Variants in SGCD observed in about 807,000 individuals in gnomAD.
The protein encoded by SGCD is delta-sarcoglycan.
A neutral mutation model predicts 36.6 loss-of-function variants in SGCD; 18 were observed. That is an observed-to-expected ratio of 0.49 (90% CI 0.34 to 0.73). The LOEUF (loss-of-function observed/expected upper bound fraction) is 0.73. SGCD is among the 30% of genes least tolerant of loss of function. The probability of loss-of-function intolerance (pLI) is 0.01; values close to 1 mark genes in which losing one functional copy is unlikely to be tolerated. For synonymous variants in SGCD, 133 were observed against 130.6 expected, an observed-to-expected ratio of 1.02 and a Z score of -0.12; for missense variants, 387 against 346.7, an observed-to-expected ratio of 1.12 and a Z score of -0.92.
chr5:156,158,550 G>A (rs763149254), intron 3 of SGCD, among the ~76,000 whole-genome samples: 12 of 151,244 alleles, frequency 7.9e-5, no homozygotes, highest in East Asian at 1.9e-4. Flanking sequence ...CCCCACTCAC[G>A]GCCTTCTCTC....
chr5:156,352,178 G>A (rs1431552059), intron 3 of SGCD, among the ~76,000 whole-genome samples: 2 of 152,196 alleles, frequency 1.3e-5, no homozygotes, highest in Middle Eastern at 3.2e-3. Context: ...CAATCATTTA[G>A]CACAAGTGGT....
At chr5:156,751,829 A>G (rs764012945) in intron 7 of SGCD, among the ~76,000 whole-genome samples, 1 of 152,238 alleles carries the variant, frequency 6.6e-6, no homozygotes, top group African/African-American at 2.4e-5. Flanking sequence ...CACTAGTGGG[A>G]AAGTCAGTTG....
chr5:156,505,373 G>A (rs1030585485), intron 3 of SGCD, among the ~76,000 whole-genome samples: 3 of 152,210 alleles, frequency 2.0e-5, no homozygotes, highest in African/African-American at 4.8e-5. Flanking sequence ...ACAGGCTGAA[G>A]TGCATTTATG....
intron 3 of SGCD, among the ~76,000 whole-genome samples, chr5:156,255,707 C>T (rs565406736): frequency 6.6e-6 from 1 of 152,160 alleles, no homozygotes; most frequent in Admixed American, 6.5e-5. Context: ...GTTGTTGTAT[C>T]TTGTTTTCAT....
intron 1 of SGCD, among the ~76,000 whole-genome samples, chr5:155,906,915 C>A (rs1345443515): frequency 7.6e-6 from 1 of 130,804 alleles, no homozygotes; most frequent in Non-Finnish European, 1.7e-5. Flanking sequence ...TATGAAACAG[C>A]CATCTTTTGG....
At chr5:156,081,890 A>G (rs368730180) in intron 1 of SGCD, among the ~76,000 whole-genome samples, 2 of 152,310 alleles carry the variant, frequency 1.3e-5, no homozygotes, top group African/African-American at 2.4e-5. Context: ...CAAATGGGGT[A>G]CAGATGATTA....
intron 1 of SGCD, among the ~76,000 whole-genome samples, chr5:156,073,423 A>T (rs1760653061): frequency 6.6e-6 from 1 of 152,062 alleles, no homozygotes; most frequent in Non-Finnish European, 1.5e-5. Flanking sequence ...GTTAGCTAGG[A>T]ATGATGGTTT....
intron 4 of SGCD, among the ~76,000 whole-genome samples, chr5:156,514,814 C>T (rs995948584): frequency 2.6e-5 from 4 of 152,096 alleles, no homozygotes; most frequent in African/African-American, 9.7e-5. Flanking sequence ...TGTTTTCTTA[C>T]CTGCACAACT....
chr5:156,508,579 T>C (rs1292527040), intron 3 of SGCD, 22 bp from the exon 4 acceptor site: 1 of 1,489,192 alleles, frequency 6.7e-7, no homozygotes. Flanking sequence ...ATCTTCCTTG[T>C]TATCTCTGTG....
the SGCD span, among the ~76,000 whole-genome samples, chr5:155,761,928 C>T: frequency 6.6e-6 from 1 of 152,190 alleles, no homozygotes. Context: ...TGAGCCCTGA[C>T]TATATGCCAA....
chr5:156,154,208 C>T (rs1408597879), intron 3 of SGCD, among the ~76,000 whole-genome samples: 1 of 151,618 alleles, frequency 6.6e-6, no homozygotes, highest in African/African-American at 2.4e-5. Context: ...TGTTCTCTGT[C>T]TTCCACCTCC....
intron 3 of SGCD, among the ~76,000 whole-genome samples, chr5:156,198,438 C>T (rs1398781303): frequency 6.6e-6 from 1 of 151,938 alleles, no homozygotes; most frequent in Non-Finnish European, 1.5e-5. Context: ...CTTAATTATC[C>T]CAATAGTCTT....
At chr5:156,233,415 T>C (rs114767550) in intron 3 of SGCD, among the ~76,000 whole-genome samples, 17 of 152,366 alleles carry the variant, frequency 1.1e-4, no homozygotes, top group Non-Finnish European at 2.4e-4. Context: ...TTACTTTGAC[T>C]AAATCTGTTT....
At chr5:156,697,747 G>A (rs571383339) in intron 7 of SGCD, among the ~76,000 whole-genome samples, 10 of 147,820 alleles carry the variant, frequency 6.8e-5, no homozygotes, top group Non-Finnish European at 1.0e-4. Context: ...TTGGATGGAC[G>A]GACGGATGGA....
At chr5:156,508,225 G>A (rs1201409148) in intron 3 of SGCD, among the ~76,000 whole-genome samples, 1 of 152,114 alleles carries the variant, frequency 6.6e-6, no homozygotes, top group Non-Finnish European at 1.5e-5. Flanking sequence ...TGAAATCTCT[G>A]TAGAGTTCTG....
intron 7 of SGCD, among the ~76,000 whole-genome samples, chr5:156,669,829 T>A (rs1455718600): frequency 6.6e-6 from 1 of 152,200 alleles, no homozygotes; most frequent in Non-Finnish European, 1.5e-5. Flanking sequence ...CCATAACTGA[T>A]GCTCTAAACA....
the SGCD span, among the ~76,000 whole-genome samples, chr5:155,732,881 A>G: frequency 2.6e-5 from 4 of 152,198 alleles, no homozygotes; most frequent in African/African-American, 9.7e-5. Context: ...CCAGCCAAAT[A>G]GAAATACAAA....
At chr5:156,355,253 C>T (rs1769438743) in intron 3 of SGCD, among the ~76,000 whole-genome samples, 1 of 152,182 alleles carries the variant, frequency 6.6e-6, no homozygotes, top group African/African-American at 2.4e-5. Flanking sequence ...TTTGCCTTTC[C>T]TTCCTGTGCC....
chr5:156,521,062 C>T (rs1757383520), intron 4 of SGCD, among the ~76,000 whole-genome samples: 1 of 147,288 alleles, frequency 6.8e-6, no homozygotes, highest in African/African-American at 2.5e-5. Context: ...CTACAACCAT[C>T]TGATCTTCAA....
Sources: gnomAD v4.1 joint callset for allele counts (sites outside exome capture counted in the v4.1 genomes callset) on GRCh38, gnomAD v4.1.1 for gene constraint, MANE v1.5 for transcripts, NCBI Gene and HGNC (gene_info 2026-07-23, HGNC 2026-07-21) for gene names.